The following CUBN variants were observed in gnomAD, a reference collection of about 807,000 sequenced individuals.
CUBN encodes the protein cubilin, also known as 460 kDa receptor.
Under a neutral mutation model 405.3 loss-of-function variants are expected in CUBN, and 282 were observed. The ratio of observed to expected loss-of-function variants is 0.70; its 90% CI spans 0.63 to 0.77. The LOEUF (loss-of-function observed/expected upper bound fraction) is 0.77, where lower values mean the gene tolerates loss of function less well. Ranked by LOEUF, CUBN falls within the 30% of genes least tolerant of loss-of-function variation. CUBN has a pLI of 0.00. For synonymous variants in CUBN, 1,684 were observed against 1,617.0 expected (o/e 1.04, Z -0.99); for missense variants, 4,514 against 4,475.2 (o/e 1.01, Z -0.25).
intron 31 of CUBN, among the ~76,000 whole-genome samples, chr10:16,964,152 A>C (rs886961367): frequency 2.0e-5 from 3 of 152,222 alleles, no homozygotes; most frequent in African/African-American, 7.2e-5. Flanking sequence ...GTATTTCTCT[A>C]CATACTTAAA....
intron 66 of CUBN, among the ~76,000 whole-genome samples, chr10:16,825,661 G>GTT (rs1392661486): frequency 6.6e-6 from 1 of 151,044 alleles, no homozygotes; most frequent in Non-Finnish European, 1.5e-5. Flanking sequence ...GTGTGTGTGT[G>GTT]TGTGTGTGTG....
Position 16,949,788 on chromosome 10 carries a change from T to C in CUBN, c.5080+213A>G, listed in dbSNP as rs951875146. Among the ~76,000 whole-genome samples the C allele has an allele frequency of 1.3e-4, 20 of 152,262 alleles. 1 individual carries two copies. The East Asian group carries it at 3.9e-3, about 29-fold the overall frequency. ...TGTTTTAAAACATATACACAAACTA[T>C]TCACACGTTTGAATATATTAATAAA... On this transcript the variant is annotated intron_variant, in intron 34 of 66. Coordinates refer to ENST00000377833, the MANE Select transcript of CUBN (RefSeq NM_001081.4).
At chr10:16,893,833 CA>C (rs1424417762) in intron 54 of CUBN, among the ~76,000 whole-genome samples, 1 of 152,144 alleles carries the variant, frequency 6.6e-6, no homozygotes, top group Admixed American at 6.5e-5. Flanking sequence ...GATTCGTAAA[CA>C]AGTTTTTGTG....
At chr10:16,847,108 T>A (rs1339016345) in intron 60 of CUBN, among the ~76,000 whole-genome samples, 2 of 152,156 alleles carry the variant, frequency 1.3e-5, no homozygotes, top group South Asian at 2.1e-4. Flanking sequence ...TATTTATGAT[T>A]TTTGTCATGT....
intron 10 of CUBN, among the ~76,000 whole-genome samples, chr10:17,107,600 C>T (rs1431629010): frequency 6.6e-6 from 1 of 151,002 alleles, no homozygotes; most frequent in Non-Finnish European, 1.5e-5. Flanking sequence ...CGGGTTCACG[C>T]CATTCTCCTG....
chr10:16,910,383 A>T (rs1841694173), intron 48 of CUBN, among the ~76,000 whole-genome samples: 1 of 152,226 alleles, frequency 6.6e-6, no homozygotes, highest in East Asian at 1.9e-4. Context: ...GAGGAACCAA[A>T]ATAAACATTG....
chr10:17,030,049 C>T (rs1259000709), intron 27 of CUBN, among the ~76,000 whole-genome samples: 1 of 152,170 alleles, frequency 6.6e-6, no homozygotes, highest in East Asian at 1.9e-4. Context: ...GAACTGCACA[C>T]GCGAGGGATC....
intron 14 of CUBN, among the ~76,000 whole-genome samples, chr10:17,099,493 T>C (rs1462706050): frequency 6.6e-6 from 1 of 152,198 alleles, no homozygotes; most frequent in East Asian, 1.9e-4. Context: ...TTCTATTTCA[T>C]GCTTATTTTG....
chr10:17,053,853 A>G (rs1374085748), intron 22 of CUBN, among the ~76,000 whole-genome samples: 1 of 152,188 alleles, frequency 6.6e-6, no homozygotes, highest in Non-Finnish European at 1.5e-5. Context: ...TAAACAATTG[A>G]AAACTTAGAA....
At chr10:16,982,913 G>A (rs1431249519) in intron 30 of CUBN, among the ~76,000 whole-genome samples, 9 of 152,010 alleles carry the variant, frequency 5.9e-5, no homozygotes, top group Non-Finnish European at 1.0e-4. Context: ...AAAAGGAAAC[G>A]CAAATGAAAT....
chr10:16,903,045 C>G (rs1317458140), intron 51 of CUBN, among the ~76,000 whole-genome samples: 1 of 152,168 alleles, frequency 6.6e-6, no homozygotes, highest in Admixed American at 6.5e-5. Flanking sequence ...AAATCCAACA[C>G]AAAACACTAG....
intron 65 of CUBN, among the ~76,000 whole-genome samples, chr10:16,829,585 T>A (rs1413600144): frequency 2.0e-5 from 3 of 152,298 alleles, no homozygotes; most frequent in East Asian, 3.9e-4. Context: ...ATACTTAAGG[T>A]CAAATACTTC....
Position 16,951,450 on chromosome 10 carries a change from T to C in CUBN, c.4969+826A>G, listed in dbSNP as rs78781933. Among the ~76,000 whole-genome samples, 495 of 152,358 alleles carry C rather than the reference T, an allele frequency of 3.2e-3. 4 individuals are homozygous for C. The highest frequency in any genetic ancestry group is 0.024 in the Middle Eastern group (7 of 294). On this transcript the variant is annotated intron_variant, in intron 33 of 66. Coordinates refer to ENST00000377833, the MANE Select transcript of CUBN (RefSeq NM_001081.4). ...TATTTTCACACAGGCGATTAATTAC[T>C]GTGCAGAGTGAAGAACTTAAAGACT...
chr10:17,100,535 T>C (rs1319156260), intron 13 of CUBN, among the ~76,000 whole-genome samples: 3 of 152,224 alleles, frequency 2.0e-5, no homozygotes, highest in South Asian at 2.1e-4. Flanking sequence ...ATGTCAAATA[T>C]ATAACTGACA....
chr10:16,828,484 C>T (rs1838862324), intron 66 of CUBN, among the ~76,000 whole-genome samples: 1 of 152,104 alleles, frequency 6.6e-6, no homozygotes, highest in Non-Finnish European at 1.5e-5. Flanking sequence ...TTCGGAGGCC[C>T]AAGCGGGTGG....
intron 33 of CUBN, 95 bp from the exon 34 acceptor site, chr10:16,950,206 C>T (rs1177717426): frequency 2.5e-6 from 2 of 808,308 alleles, no homozygotes; most frequent in Non-Finnish European, 4.1e-6. Flanking sequence ...TGGTTAATGA[C>T]TATAAAAAAT....
rs11349387 is a variant in CUBN at position 17,073,444 on chromosome 10, CTTT to C, written c.2302-1476_2302-1474del. Among the ~76,000 whole-genome samples, 1,510 of 109,758 alleles carry C rather than the reference CTTT, an allele frequency of 0.014. 78 individuals are homozygous for C. In the East Asian group the frequency reaches 0.19, roughly 14 times the overall value. 72.0% of individuals were successfully genotyped at this position (109,758 alleles called of 152,430 possible). On this transcript the variant is annotated intron_variant, in intron 17 of 66. Coordinates refer to ENST00000377833, the MANE Select transcript of CUBN (RefSeq NM_001081.4). The stretch of plus-strand genomic sequence containing the variant: ...ACTGATTTTAAATCAATAACCAGCT[CTTT>C]TTTTTTTTTTTTTTTTGAGATGGAG...
At chr10:17,125,191 A>G (rs184647752) in intron 4 of CUBN, among the ~76,000 whole-genome samples, 2 of 152,286 alleles carry the variant, frequency 1.3e-5, no homozygotes, top group Non-Finnish European at 2.9e-5. Context: ...TTTCATATAT[A>G]TGTATGCACA....
intron 56 of CUBN, among the ~76,000 whole-genome samples, chr10:16,887,822 C>A (rs1305843773): frequency 6.6e-6 from 1 of 152,094 alleles, no homozygotes; most frequent in African/African-American, 2.4e-5. Flanking sequence ...ATGGAATGGA[C>A]CTGAGTGTCC....
Sources: allele counts gnomAD v4.1 joint callset (sites outside exome capture counted in the v4.1 genomes callset), GRCh38; gene constraint gnomAD v4.1.1; transcripts MANE v1.5; gene names NCBI Gene and HGNC (gene_info 2026-07-23, HGNC 2026-07-21).